The following SCRG1 variants were observed in gnomAD, a reference collection of about 807,000 sequenced individuals.
SCRG1 encodes scrapie-responsive protein 1.
SCRG1 carries 3 observed loss-of-function variants against 7.7 expected under a neutral mutation model. The ratio of observed to expected loss-of-function variants is 0.39; its 90% confidence interval spans 0.18 to 1.01. The LOEUF (loss-of-function observed/expected upper bound fraction) is 1.01, where lower values mean the gene tolerates loss of function less well. Among genes scored for constraint, SCRG1 ranks in the 50% least tolerant of loss-of-function variants. The probability of loss-of-function intolerance (pLI) is 0.36; values close to 1 mark genes in which losing one functional copy is unlikely to be tolerated. For synonymous variants in SCRG1, 46 were observed against 41.2 expected (o/e 1.12, Z -0.44); for missense variants, 110 against 117.2 (o/e 0.94, Z 0.28).
At position 173,385,838 on chromosome 4, in the gene SCRG1, C is replaced by A. The variant is rs184795399; in HGVS notation, c.*2503G>T. 6.6e-6 allele frequency: 1 copy of A among 152,158 alleles called. No homozygotes were observed. The highest frequency in any genetic ancestry group is 1.9e-4 in the East Asian group (1 of 5,176). 9.4% of individuals were successfully genotyped at this position (152,158 alleles called of 1,614,324 possible). A position where few individuals can be genotyped will look rare whatever the true frequency, so the allele number is the denominator to read the frequency against. Reference sequence around the variant, plus strand: ...GACACTGGATCTTTAATGCTTTTTCCCCCTCAAGGAGAGTTCCTACCAAGT... The same window carrying A: ...GACACTGGATCTTTAATGCTTTTTCACCCTCAAGGAGAGTTCCTACCAAGT... On this transcript the variant is annotated 3_prime_UTR_variant, in exon 3 of 3. Coordinates refer to ENST00000296506, the MANE Select transcript of SCRG1 (RefSeq NM_007281.4).
At chr4:173,509,625 C>G in the SCRG1 span, among the ~76,000 whole-genome samples, 1 of 152,272 alleles carries the variant, frequency 6.6e-6, no homozygotes, top group South Asian at 2.1e-4. This position sits in a 1 kb window ranked among gnomAD's most constrained non-coding sequence, Gnocchi z 5.7. Flanking sequence ...CTCCCCGCGC[C>G]GCTCCCTTCC....
At chr4:173,431,107 C>A in the SCRG1 span, among the ~76,000 whole-genome samples, 2 of 152,112 alleles carry the variant, frequency 1.3e-5, no homozygotes, top group African/African-American at 4.8e-5. Context: ...GCACGGGTAC[C>A]ACTGGAATCT....
At chr4:173,513,954 C>T in the SCRG1 span, among the ~76,000 whole-genome samples, 3 of 152,112 alleles carry the variant, frequency 2.0e-5, no homozygotes, top group African/African-American at 7.2e-5. Context: ...GAATTACTGC[C>T]TATTCATGAA....
At chr4:173,476,825 A>C in the SCRG1 span, among the ~76,000 whole-genome samples, 1 of 152,130 alleles carries the variant, frequency 6.6e-6, no homozygotes, top group Non-Finnish European at 1.5e-5. Context: ...CATCTCTAAA[A>C]AAGAAAAAAA....
chr4:173,416,486 G>A, the SCRG1 span, among the ~76,000 whole-genome samples: 1 of 152,242 alleles, frequency 6.6e-6, no homozygotes, highest in Non-Finnish European at 1.5e-5. Flanking sequence ...CAGGCGCGGT[G>A]GCGCGCCTGT....
chr4:173,506,194 T>C, the SCRG1 span, among the ~76,000 whole-genome samples: 1 of 152,248 alleles, frequency 6.6e-6, no homozygotes, highest in Non-Finnish European at 1.5e-5. This position sits in a 1 kb window ranked among gnomAD's most constrained non-coding sequence, Gnocchi z 5.3. Flanking sequence ...AAGAGAGTCA[T>C]GGTAACTTTG....
At chr4:173,453,342 G>A in the SCRG1 span, among the ~76,000 whole-genome samples, 24 of 152,292 alleles carry the variant, frequency 1.6e-4, no homozygotes, top group African/African-American at 5.1e-4. Context: ...GGAAACCTCC[G>A]GACAACTGTC....
chr4:173,392,925 T>C (rs56372412), intron 1 of SCRG1, among the ~76,000 whole-genome samples: 58,349 of 151,968 alleles, frequency 0.38, 13,225 homozygotes, highest in East Asian at 0.55. Flanking sequence ...ACCCTGTCTC[T>C]ACTAAAAATA....
chr4:173,476,363 A>AAAAAAAT, the SCRG1 span, among the ~76,000 whole-genome samples: 26 of 98,460 alleles, frequency 2.6e-4, no homozygotes, highest in Non-Finnish European at 6.0e-4. Context: ...GGAAAAAAAA[A>AAAAAAAT]ATATATATAT....
chr4:173,467,185 T>A, the SCRG1 span, among the ~76,000 whole-genome samples: 1 of 152,210 alleles, frequency 6.6e-6, no homozygotes, highest in Non-Finnish European at 1.5e-5. Context: ...ATGTATCATG[T>A]TAATTCCCTC....
At chr4:173,417,296 G>T in the SCRG1 span, among the ~76,000 whole-genome samples, 2 of 152,140 alleles carry the variant, frequency 1.3e-5, no homozygotes, top group African/African-American at 4.8e-5. Context: ...GCACTGGAAG[G>T]AACCTTAGAG....
chr4:173,500,751 G>A, the SCRG1 span, among the ~76,000 whole-genome samples: 2 of 151,086 alleles, frequency 1.3e-5, no homozygotes, highest in African/African-American at 4.9e-5. Flanking sequence ...CTCCCAAAGT[G>A]CTGGGAGTAA....
the SCRG1 span, among the ~76,000 whole-genome samples, chr4:173,453,525 A>G: frequency 3.3e-5 from 5 of 152,246 alleles, no homozygotes; most frequent in South Asian, 2.1e-4. Context: ...TATTGCTCCT[A>G]GGCTACAAAC....
the SCRG1 span, among the ~76,000 whole-genome samples, chr4:173,490,497 C>G: frequency 6.6e-6 from 1 of 152,156 alleles, no homozygotes; most frequent in Non-Finnish European, 1.5e-5. Flanking sequence ...CAACAACTAG[C>G]CAGGCCCTGC....
the SCRG1 span, among the ~76,000 whole-genome samples, chr4:173,479,627 G>A: frequency 6.6e-6 from 1 of 151,818 alleles, no homozygotes; most frequent in African/African-American, 2.4e-5. Context: ...TTTTAGTAGA[G>A]ACGGGGTTTC....
chr4:173,473,325 C>T, the SCRG1 span, among the ~76,000 whole-genome samples: 3 of 152,196 alleles, frequency 2.0e-5, no homozygotes, highest in African/African-American at 7.2e-5. Context: ...GACCACACAT[C>T]GTATTAGCCT....
the SCRG1 span, among the ~76,000 whole-genome samples, chr4:173,459,716 A>T: frequency 6.6e-6 from 1 of 152,116 alleles, no homozygotes; most frequent in African/African-American, 2.4e-5. Flanking sequence ...TATCTCAGGG[A>T]GGTAGAAAGT....
chr4:173,388,820 T>G (rs1160396831), intron 2 of SCRG1, among the ~76,000 whole-genome samples: 2 of 152,152 alleles, frequency 1.3e-5, no homozygotes, highest in African/African-American at 4.8e-5. Context: ...TACTTAACTT[T>G]CCCTGGTTGA....
the SCRG1 span, among the ~76,000 whole-genome samples, chr4:173,423,787 A>G: frequency 1.3e-5 from 2 of 152,224 alleles, no homozygotes; most frequent in South Asian, 4.1e-4. Context: ...TAGTTTATAA[A>G]GAAAAGATGT....
Sources: allele counts gnomAD v4.1 joint callset (sites outside exome capture counted in the v4.1 genomes callset), GRCh38; gene constraint gnomAD v4.1.1; non-coding constraint Gnocchi (gnomAD v3.1); transcripts MANE v1.5; gene names NCBI Gene and HGNC (gene_info 2026-07-23, HGNC 2026-07-21).